Variants in P3H2 observed in about 807,000 individuals in gnomAD.
P3H2 encodes the protein leprecan-like 1.
A neutral mutation model predicts 87.0 loss-of-function variants in P3H2; 80 were observed. That is an observed-to-expected ratio of 0.92 (90% confidence interval 0.77 to 1.11). P3H2 has a LOEUF of 1.11. Among genes scored for constraint, P3H2 ranks in the 50% least tolerant of loss-of-function variants. The probability of loss-of-function intolerance (pLI) is 0.00; values close to 1 mark genes in which losing one functional copy is unlikely to be tolerated. For synonymous variants in P3H2, 367 were observed against 359.3 expected, an observed-to-expected ratio of 1.02 and a Z score of -0.24; for missense variants, 1,001 against 923.9, an observed-to-expected ratio of 1.08 and a Z score of -1.08.
Position 189,994,284 on chromosome 3 carries a change from C to T in P3H2, c.634-1G>A. On this transcript the variant is annotated splice_acceptor_variant, in intron 2 of 14. Coordinates refer to ENST00000319332, the MANE Select transcript of P3H2 (RefSeq NM_018192.4). LOFTEE classifies it high-confidence loss of function. Reference sequence around the variant, plus strand: ...GTTTAACTCCTGCATTGTAACTCTCCTGTAATGAAACAGACGGGAAAAAAC... The same window carrying T: ...GTTTAACTCCTGCATTGTAACTCTCTTGTAATGAAACAGACGGGAAAAAAC... 1 of 1,603,782 alleles carries T rather than the reference C, an allele frequency of 6.2e-7. No homozygotes were observed. The highest frequency in any genetic ancestry group is 8.5e-7 in the Non-Finnish European group (1 of 1,172,900).
intron 1 of P3H2, among the ~76,000 whole-genome samples, chr3:190,024,567 A>G (rs1725033565): frequency 6.6e-6 from 1 of 151,136 alleles, no homozygotes; most frequent in Non-Finnish European, 1.5e-5. Flanking sequence ...AGAAAGAAAG[A>G]AAAAAAATTG....
At chr3:190,092,428 C>T (rs1727437295) in intron 1 of P3H2, among the ~76,000 whole-genome samples, 1 of 152,194 alleles carries the variant, frequency 6.6e-6, no homozygotes, top group South Asian at 2.1e-4. Context: ...TCCAAGAAGA[C>T]AGTTGCTTAG....
chr3:190,007,897 A>ACC (rs1403319685), intron 1 of P3H2, among the ~76,000 whole-genome samples: 1 of 146,312 alleles, frequency 6.8e-6, no homozygotes, highest in Non-Finnish European at 1.5e-5. Flanking sequence ...TCGGCCAAAA[A>ACC]CCTTCTAGTC....
intron 1 of P3H2, among the ~76,000 whole-genome samples, chr3:190,052,250 C>T (rs539619313): frequency 8.5e-5 from 13 of 152,090 alleles, no homozygotes; most frequent in Non-Finnish European, 4.4e-5. Flanking sequence ...TTGCCCCTCA[C>T]CCCCCGACAA....
chr3:189,969,091 C>T, intron 13 of P3H2: 3 of 465,298 alleles, frequency 6.4e-6, no homozygotes, highest in Non-Finnish European at 1.2e-5. Flanking sequence ...TTCCATGGAT[C>T]CTATCTGAGG....
chr3:189,991,915 T>C (rs1005434890), intron 3 of P3H2, among the ~76,000 whole-genome samples: 1 of 152,158 alleles, frequency 6.6e-6, no homozygotes, highest in African/African-American at 2.4e-5. Context: ...GCAATCACTG[T>C]TGCTTTGAGC....
intron 13 of P3H2, among the ~76,000 whole-genome samples, chr3:189,966,159 GAAAGAAAGAAAGAAAGAAAGAAAGAA>G (rs2108904759): frequency 6.9e-6 from 1 of 144,754 alleles, no homozygotes; most frequent in African/African-American, 2.7e-5. Context: ...AAGAAAGAAA[GAAAGAAAGAAAGAAAGAAAGAAAGAA>G]AGAAAGAAAA....
chr3:190,063,390 T>C (rs1274541783), intron 1 of P3H2, among the ~76,000 whole-genome samples: 1 of 152,202 alleles, frequency 6.6e-6, no homozygotes, highest in Non-Finnish European at 1.5e-5. Flanking sequence ...TGCTAAACTT[T>C]TGCTCTGGTC....
At chr3:190,090,431 C>T (rs188831423) in intron 1 of P3H2, among the ~76,000 whole-genome samples, 68 of 150,966 alleles carry the variant, frequency 4.5e-4, no homozygotes, top group East Asian at 2.9e-3. Flanking sequence ...TGGCCGCGCA[C>T]GGTGGCTCAC....
chr3:189,992,003 T>TAA (rs75741819), intron 3 of P3H2, among the ~76,000 whole-genome samples: 3 of 151,924 alleles, frequency 2.0e-5, no homozygotes, highest in African/African-American at 7.3e-5. Flanking sequence ...CCAAGTTTGG[T>TAA]AAAAAATCAT....
chr3:189,959,741 C>T (rs9290913), intron 14 of P3H2, among the ~76,000 whole-genome samples: 10,735 of 152,024 alleles, frequency 0.071, 980 homozygotes, highest in East Asian at 0.32. Flanking sequence ...GGTCTACCTC[C>T]AAATTGTATC....
chr3:190,072,325 T>C (rs1726729926), intron 1 of P3H2, among the ~76,000 whole-genome samples: 1 of 152,070 alleles, frequency 6.6e-6, no homozygotes, highest in Non-Finnish European at 1.5e-5. Flanking sequence ...CCATGCCCGG[T>C]CAAGATGAAG....
intron 13 of P3H2, among the ~76,000 whole-genome samples, chr3:189,966,138 AG>A (rs1722991477): frequency 1.0e-5 from 1 of 96,856 alleles, no homozygotes; most frequent in African/African-American, 3.2e-5. Context: ...AAAGAAAGAA[AG>A]AAAGAAAGAA....
Position 189,957,296 on chromosome 3 carries a change from A to G in P3H2, c.*616T>C. On this transcript the variant is annotated 3_prime_UTR_variant, in exon 15 of 15. Coordinates refer to ENST00000319332, the MANE Select transcript of P3H2 (RefSeq NM_018192.4). ...TCGGAGCTCATGGCCGTTAGCACCT[A>G]AGGATGTGGCTGAAAGGCACAGAGC... 2.5e-6 allele frequency: 1 copy of G among 399,776 alleles called. No homozygotes were observed. The highest frequency in any genetic ancestry group is 4.4e-6 in the Non-Finnish European group (1 of 227,290). 24.8% of individuals were successfully genotyped at this position (399,776 alleles called of 1,614,324 possible). A position where few individuals can be genotyped will look rare whatever the true frequency, so the allele number is the denominator to read the frequency against.
intron 1 of P3H2, among the ~76,000 whole-genome samples, chr3:190,108,810 T>C (rs1187445104): frequency 6.6e-6 from 1 of 152,226 alleles, no homozygotes. Flanking sequence ...ATGAAAACTA[T>C]TAGCTAGCAT....
chr3:189,965,894 G>A (rs1382325380), intron 13 of P3H2, among the ~76,000 whole-genome samples: 3 of 151,204 alleles, frequency 2.0e-5, no homozygotes, highest in Non-Finnish European at 4.4e-5. Context: ...GCTGAGGCAG[G>A]AGAATCGCTT....
intron 1 of P3H2, among the ~76,000 whole-genome samples, chr3:190,017,190 GA>G (rs201059819): frequency 0.01 from 1,567 of 152,198 alleles, 32 homozygotes; most frequent in African/African-American, 0.036. Context: ...TCCATATCCT[GA>G]AGAATTTTGT....
At chr3:190,080,467 C>T (rs1727007468) in intron 1 of P3H2, among the ~76,000 whole-genome samples, 1 of 152,082 alleles carries the variant, frequency 6.6e-6, no homozygotes, top group Non-Finnish European at 1.5e-5. Context: ...ATGTCGTGAC[C>T]TTGGCTCACC....
chr3:189,962,142 C>CTT (rs1722833618), intron 14 of P3H2, among the ~76,000 whole-genome samples: 2 of 109,992 alleles, frequency 1.8e-5, no homozygotes, highest in Admixed American at 8.8e-5. Flanking sequence ...CAGGGCCTTT[C>CTT]TTTCTTTTTC....
Sources: allele counts gnomAD v4.1 joint callset (sites outside exome capture counted in the v4.1 genomes callset), GRCh38; gene constraint gnomAD v4.1.1; transcripts MANE v1.5; gene names NCBI Gene and HGNC (gene_info 2026-07-23, HGNC 2026-07-21).